The following PCDH15 variants were observed in gnomAD, a reference collection of about 807,000 sequenced individuals.
The protein encoded by PCDH15 is protocadherin related 15, also known as protocadherin-15.
A neutral mutation model predicts 178.5 loss-of-function variants in PCDH15; 129 were observed. The observed-to-expected ratio is 0.72, with a 90% CI of 0.63 to 0.84. PCDH15 has a LOEUF of 0.84. Ranked by LOEUF, PCDH15 falls within the 40% of genes least tolerant of loss-of-function variation. The probability of loss-of-function intolerance (pLI) is 0.00; values close to 1 mark genes in which losing one functional copy is unlikely to be tolerated. For synonymous variants in PCDH15, 800 were observed against 732.0 expected, an observed-to-expected ratio of 1.09 and a Z score of -1.50; for missense variants, 2,230 against 2,099.9, an observed-to-expected ratio of 1.06 and a Z score of -1.21.
At chr10:54,306,664 C>T (rs2060490376) in intron 8 of PCDH15, among the ~76,000 whole-genome samples, 1 of 151,718 alleles carries the variant, frequency 6.6e-6, no homozygotes, top group Non-Finnish European at 1.5e-5. Context: ...ATCTGGGTAC[C>T]ATGTCTTAGC....
chr10:54,116,516 A>C (rs2095116061), intron 15 of PCDH15, among the ~76,000 whole-genome samples: 1 of 152,250 alleles, frequency 6.6e-6, no homozygotes, highest in Non-Finnish European at 1.5e-5. Flanking sequence ...CAGGTAGAGC[A>C]ATGGATGCTT....
rs574414006 is a variant in PCDH15, at chr10:53,938,907, G to A, written c.3281C>T (p.Pro1094Leu). The A allele has an allele frequency of 3.7e-6, 6 of 1,613,174 alleles. No homozygotes were observed. In the East Asian group the frequency reaches 1.1e-4, roughly 30 times the overall value. The change falls in exon 25 of 38, where the codon CCT (proline) becomes CTT (leucine). Residue 1094 changes from proline to leucine, a missense_variant. Transcript: ENST00000644397. Reference sequence around the variant, plus strand: ...GCTTGTCCTGGTCTCATAATCCAGAGGTCCATTCACATAGATAACACCTGT... The same window carrying A: ...GCTTGTCCTGGTCTCATAATCCAGAAGTCCATTCACATAGATAACACCTGT... ...NITGVIYVNG[P>L]LDYETRTSYV... is the part of the protein sequence containing the mutation.
chr10:54,130,260 G>A (rs903076689), intron 15 of PCDH15, among the ~76,000 whole-genome samples: 1 of 152,242 alleles, frequency 6.6e-6, no homozygotes, highest in East Asian at 1.9e-4. Context: ...GCACTGATTT[G>A]TTGTATTTGA....
At chr10:54,829,788 C>G (rs1222779146) in intron 3 of PCDH15, among the ~76,000 whole-genome samples, 1 of 151,958 alleles carries the variant, frequency 6.6e-6, no homozygotes, top group African/African-American at 2.4e-5. Flanking sequence ...TATGAATAAC[C>G]CCTGCTTTTA....
chr10:53,936,484 A>C (rs2926392), intron 25 of PCDH15, among the ~76,000 whole-genome samples: 2 of 152,130 alleles, frequency 1.3e-5, no homozygotes, highest in Admixed American at 6.5e-5. Context: ...ATAGAGGAAC[A>C]ACTATTTCCC....
chr10:54,204,289 G>A (rs889541838), intron 10 of PCDH15, among the ~76,000 whole-genome samples: 5 of 151,314 alleles, frequency 3.3e-5, no homozygotes, highest in African/African-American at 1.2e-4. Context: ...AAAAATAGAA[G>A]GAATCATAAA....
At chr10:54,203,689 C>T (rs557206173) in intron 10 of PCDH15, among the ~76,000 whole-genome samples, 23 of 152,278 alleles carry the variant, frequency 1.5e-4, no homozygotes, top group African/African-American at 5.5e-4. Context: ...TTCCTGGACA[C>T]CACACCTCTT....
intron 2 of PCDH15, among the ~76,000 whole-genome samples, chr10:54,655,294 G>GAGAGAGAGAGAGAC (rs1565866332): frequency 1.6e-5 from 2 of 122,730 alleles, no homozygotes; most frequent in Admixed American, 7.7e-5. Context: ...GAGAGAGAGA[G>GAGAGAGAGAGAGAC]AGAGAGAGAC....
At chr10:55,428,035 T>C (rs1838797622) in intron 2 of PCDH15, among the ~76,000 whole-genome samples, 1 of 152,060 alleles carries the variant, frequency 6.6e-6, no homozygotes, top group African/African-American at 2.4e-5. Flanking sequence ...TCAATTATTT[T>C]ACGTTTTTTG....
At chr10:53,890,847 G>A (rs1423266912) in intron 26 of PCDH15, among the ~76,000 whole-genome samples, 1 of 152,052 alleles carries the variant, frequency 6.6e-6, no homozygotes, top group Non-Finnish European at 1.5e-5. Flanking sequence ...AGTGCAAATT[G>A]TATTCTCTTT....
intron 3 of PCDH15, among the ~76,000 whole-genome samples, chr10:54,392,084 C>A (rs1950604527): frequency 6.6e-6 from 1 of 152,072 alleles, no homozygotes; most frequent in South Asian, 2.1e-4. Flanking sequence ...ATATAATTTG[C>A]TCTATAGTAC....
At chr10:54,623,262 C>A (rs1356962658) in intron 2 of PCDH15, among the ~76,000 whole-genome samples, 2 of 152,086 alleles carry the variant, frequency 1.3e-5, no homozygotes, top group Non-Finnish European at 2.9e-5. Flanking sequence ...CTTCTCTGAT[C>A]CTTTGGCGGC....
intron 1 of PCDH15, among the ~76,000 whole-genome samples, chr10:54,747,193 C>T (rs974203657): frequency 1.3e-5 from 2 of 152,164 alleles, no homozygotes; most frequent in Non-Finnish European, 2.9e-5. Context: ...TTAGGTACTA[C>T]ACACCATGCT....
At chr10:55,205,113 AT>A (rs1262718497) in intron 1 of PCDH15, among the ~76,000 whole-genome samples, 2 of 152,118 alleles carry the variant, frequency 1.3e-5, no homozygotes, top group African/African-American at 4.8e-5. Flanking sequence ...TATAAGAAGT[AT>A]AGTTTCAAGA....
At chr10:53,877,692 T>C (rs2080346439) in intron 26 of PCDH15, among the ~76,000 whole-genome samples, 1 of 152,136 alleles carries the variant, frequency 6.6e-6, no homozygotes, top group Admixed American at 6.5e-5. Context: ...TTTTTTCTTT[T>C]TGCATAGGAA....
rs73251927 is a variant in PCDH15 at position 55,038,357 on chromosome 10, T to C, written c.-80+128219A>G. ...TATTTAAAGTACACAATCTTGCAAA[T>C]AGAAGTAAAATCTTAGTTCCTATTT... On this transcript the variant is annotated intron_variant, in intron 2 of 5. Coordinates refer to the PCDH15 transcript ENST00000458638. 8.3e-3 allele frequency among the ~76,000 whole-genome samples: 1,258 copies of C among 152,266 alleles called. 20 individuals are homozygous for C. Among genetic ancestry groups the C allele is most frequent in the African/African-American group, 0.028 (1,176 of 41,560 alleles).
At chr10:54,923,329 G>C (rs755008485) in intron 2 of PCDH15, among the ~76,000 whole-genome samples, 5 of 138,750 alleles carry the variant, frequency 3.6e-5, no homozygotes, top group Non-Finnish European at 6.7e-5. Context: ...CTGGCATGAA[G>C]TCTCTGAAAC....
At chr10:54,135,278 T>C (rs1039015876) in intron 14 of PCDH15, among the ~76,000 whole-genome samples, 12 of 152,222 alleles carry the variant, frequency 7.9e-5, no homozygotes, top group Non-Finnish European at 1.3e-4. Context: ...ATTAAAATAT[T>C]TTAAACTTTC....
In PCDH15 at chr10:54,975,632, A is replaced by G. The variant is rs113603374; in HGVS notation, c.-79-78132T>C. Among the ~76,000 whole-genome samples, 393 of 152,258 alleles carry G rather than the reference A, an allele frequency of 2.6e-3. 2 individuals carry two copies. Among genetic ancestry groups the G allele is most frequent in the Non-Finnish European group, 4.6e-3 (312 of 67,996 alleles). On this transcript the variant is annotated intron_variant, in intron 2 of 5. Coordinates refer to the PCDH15 transcript ENST00000458638. ...ACTTTTGAGATAAACATTAAAGATA[A>G]CTAGAAGTTAGTAAGGTAAATGAGG... is the stretch of plus-strand genomic sequence containing the variant.
Sources: gnomAD v4.1 joint callset for allele counts (sites outside exome capture counted in the v4.1 genomes callset) on GRCh38, gnomAD v4.1.1 for gene constraint, MANE v1.5 for transcripts, NCBI Gene and HGNC (gene_info 2026-07-23, HGNC 2026-07-21) for gene names.